The following MIDEAS variants were observed in gnomAD, a reference collection of about 807,000 sequenced individuals.
MIDEAS encodes the protein mitotic deacetylase associated SANT domain protein.
A neutral mutation model predicts 102.7 loss-of-function variants in MIDEAS; 26 were observed. The observed-to-expected ratio is 0.25, with a 90% CI of 0.19 to 0.35. MIDEAS has a LOEUF of 0.35. MIDEAS is among the 10% of genes least tolerant of loss of function. MIDEAS has a pLI of 1.00. For missense variants in MIDEAS, 1,231 were observed against 1,435.6 expected (o/e 0.86, Z 2.30); for synonymous variants, 585 against 591.0 (o/e 0.99, Z 0.15).
intron 1 of MIDEAS, 38 bp from the exon 2 acceptor site, chr14:73,740,293 C>G (rs1226981635): frequency 7.4e-6 from 3 of 403,204 alleles, no homozygotes; most frequent in African/African-American, 6.2e-5. Context: ...CAGCCACAGC[C>G]TCCCAGGATG....
chr14:73,725,919 T>C lies in MIDEAS; in HGVS notation c.2485+114A>G. 4.4e-6 allele frequency: 4 copies of C among 915,864 alleles called. No individual in the cohort carries two copies. The highest frequency in any genetic ancestry group is 6.9e-6 in the Non-Finnish European group (4 of 582,142). 56.7% of individuals were successfully genotyped at this position (915,864 alleles called of 1,614,324 possible). Reference sequence around the variant, plus strand: ...CCCTCACTCTGACTCTTGGCTTATCTACCCTCCTCCTCCCGCCCCCACCCA... The same window carrying C: ...CCCTCACTCTGACTCTTGGCTTATCCACCCTCCTCCTCCCGCCCCCACCCA... On this transcript the variant is annotated intron_variant, in intron 8 of 12. Coordinates refer to ENST00000423556, the MANE Select transcript of MIDEAS (RefSeq NM_001367710.1). This position sits in a 1 kb window ranked among gnomAD's most constrained non-coding sequence, Gnocchi z 4.1.
At chr14:73,741,454 AGCTCGGGCG>A (rs1332986619) in intron 1 of MIDEAS, among the ~76,000 whole-genome samples, 9 of 152,088 alleles carry the variant, frequency 5.9e-5, no homozygotes, top group African/African-American at 2.2e-4. Context: ...AGGGGAAAAC[AGCTCGGGCG>A]GCTCTGAAGA....
At chr14:73,735,689 T>C (rs142761378) in intron 3 of MIDEAS, among the ~76,000 whole-genome samples, 34 of 152,308 alleles carry the variant, frequency 2.2e-4, no homozygotes, top group African/African-American at 7.9e-4. Flanking sequence ...AAGCAAGATA[T>C]CAGACAAACC....
At chr14:73,762,422 C>T (rs1056808982), upstream of MIDEAS, among the ~76,000 whole-genome samples, 2 of 152,150 alleles carry the variant, frequency 1.3e-5, no homozygotes, top group East Asian at 1.9e-4. Flanking sequence ...GGAGCGGCAC[C>T]GCCCTTCACT....
At chr14:73,785,452 C>G (rs2053798318) in intron 1 of MIDEAS, among the ~76,000 whole-genome samples, 1 of 152,178 alleles carries the variant, frequency 6.6e-6, no homozygotes, top group African/African-American at 2.4e-5. Context: ...CTCCCAGACC[C>G]AGACCACCAG....
Position 73,759,493 on chromosome 14 carries a change from G to C in MIDEAS, c.-248+270C>G, listed in dbSNP as rs540614299. On this transcript the variant is annotated intron_variant, in intron 1 of 12. Transcript: ENST00000423556. This position sits in a 1 kb window ranked among gnomAD's most constrained non-coding sequence, Gnocchi z 6.7. ...AGCTGCACAAACACCGCGGGGCTGC[G>C]CTGCACACGCAGCTGCGGGCCGAGG... Among the ~76,000 whole-genome samples, 5 of 150,972 alleles carry C rather than the reference G, an allele frequency of 3.3e-5. No homozygotes were observed. In the East Asian group the frequency reaches 9.8e-4, roughly 30 times the overall value.
chr14:73,718,703 T>G lies in MIDEAS; in HGVS notation c.*140A>C. On this transcript the variant is annotated 3_prime_UTR_variant, in exon 13 of 13. Transcript: ENST00000423556. ...TTCATAAATAAAAGAGCCGTTTATG[T>G]CATTGTCTCATTTGTTTCGCAGGGA... 3.5e-6 allele frequency: 3 copies of G among 863,346 alleles called. No homozygotes were observed. The highest frequency in any genetic ancestry group is 3.4e-5 in the East Asian group (1 of 28,996). 53.5% of individuals were successfully genotyped at this position (863,346 alleles called of 1,614,324 possible). A position where few individuals can be genotyped will look rare whatever the true frequency, so the allele number is the denominator to read the frequency against.
intron 1 of MIDEAS, among the ~76,000 whole-genome samples, chr14:73,774,981 A>G (rs1280249396): frequency 1.3e-5 from 2 of 151,992 alleles, no homozygotes; most frequent in African/African-American, 2.4e-5. Flanking sequence ...TGCAGGGGGG[A>G]AGTTCAATTG....
chr14:73,761,083 AGTG>A (rs1215651756), upstream of MIDEAS, among the ~76,000 whole-genome samples: 6 of 151,832 alleles, frequency 4.0e-5, no homozygotes, highest in Non-Finnish European at 8.8e-5. Context: ...GTGGTGGTGC[AGTG>A]GTGGTGGTGG....
chr14:73,741,227 T>C (rs756510224), intron 1 of MIDEAS, among the ~76,000 whole-genome samples: 1 of 152,148 alleles, frequency 6.6e-6, no homozygotes, highest in Non-Finnish European at 1.5e-5. Context: ...AAGTACACAG[T>C]TTTTCCATTT....
Position 73,774,218 on chromosome 14 carries a change from G to A in MIDEAS, c.-248+12884C>T, listed in dbSNP as rs559206221. ...CCAGGCTCCATTCACAGGAATTTTC[G>A]AACAGGAAAGGTACCCCTGTAGTCT... On this transcript the variant is annotated intron_variant, in intron 1 of 11. Coordinates refer to the MIDEAS transcript ENST00000394071. 9.2e-5 allele frequency among the ~76,000 whole-genome samples: 14 copies of A among 151,708 alleles called. No homozygotes were observed. The South Asian group carries it at 1.5e-3, about 16-fold the overall frequency.
chr14:73,746,645 A>T (rs987954164), intron 1 of MIDEAS, among the ~76,000 whole-genome samples: 4 of 152,150 alleles, frequency 2.6e-5, no homozygotes, highest in Non-Finnish European at 1.5e-5. Flanking sequence ...CTGGCTCCCC[A>T]GCAGGGCTAG....
chr14:73,749,966 G>A (rs779061393), intron 1 of MIDEAS, among the ~76,000 whole-genome samples: 17 of 152,108 alleles, frequency 1.1e-4, no homozygotes, highest in Non-Finnish European at 2.1e-4. Context: ...AAACAACTAG[G>A]GGATGGAGAG....
chr14:73,787,281 G>T (rs1360889873), upstream of MIDEAS: 1 of 148,458 alleles, frequency 6.7e-6, no homozygotes, highest in Admixed American at 6.7e-5. Flanking sequence ...GGCGCGCAGG[G>T]CCCTGCAGCC....
chr14:73,743,101 T>TAAGATC (rs945224205), intron 1 of MIDEAS, among the ~76,000 whole-genome samples: 8 of 152,136 alleles, frequency 5.3e-5, no homozygotes, highest in Non-Finnish European at 8.8e-5. Flanking sequence ...TGTCTGACTC[T>TAAGATC]AAGATCAAGC....
intron 1 of MIDEAS, among the ~76,000 whole-genome samples, chr14:73,756,298 G>GCGCA (rs1285294534): frequency 4.8e-5 from 5 of 104,146 alleles, no homozygotes; most frequent in Admixed American, 9.6e-5. Flanking sequence ...GTGTGTGTGC[G>GCGCA]CGCGCGCGTG....
chr14:73,776,193 A>G (rs1185294018), intron 1 of MIDEAS, among the ~76,000 whole-genome samples: 9 of 152,032 alleles, frequency 5.9e-5, no homozygotes, highest in African/African-American at 1.9e-4. Context: ...AGGCAGCACC[A>G]AAGTTTTCCA....
intron 10 of MIDEAS, chr14:73,722,467 A>C: frequency 2.6e-6 from 1 of 379,966 alleles, no homozygotes; most frequent in Non-Finnish European, 4.8e-6. Context: ...TGCTGGTGTG[A>C]ATCTTGTGGG....
At chr14:73,735,645 G>A (rs1417338517) in intron 3 of MIDEAS, among the ~76,000 whole-genome samples, 1 of 152,250 alleles carries the variant, frequency 6.6e-6, no homozygotes, top group African/African-American at 2.4e-5. Context: ...TAAATGATGG[G>A]AGAAGATGCA....
Sources: gnomAD v4.1 joint callset for allele counts (sites outside exome capture counted in the v4.1 genomes callset) on GRCh38, gnomAD v4.1.1 for gene constraint, Gnocchi (gnomAD v3.1) non-coding constraint, MANE v1.5 for transcripts, NCBI Gene and HGNC (gene_info 2026-07-23, HGNC 2026-07-21) for gene names.